The following SLC12A5 variants were observed in gnomAD, a reference collection of about 807,000 sequenced individuals.
The protein encoded by SLC12A5 is K-Cl cotransporter 2.
In SLC12A5, 18 loss-of-function variants were observed where a neutral mutation model predicts 124.0. The ratio of observed to expected loss-of-function variants is 0.15; its 90% CI spans 0.10 to 0.22. The LOEUF (loss-of-function observed/expected upper bound fraction) is 0.22. Ranked by LOEUF, SLC12A5 falls within the 10% of genes least tolerant of loss-of-function variation. The pLI is 1.00. For missense variants in SLC12A5, 867 were observed against 1,478.7 expected (o/e 0.59, Z 6.78); for synonymous variants, 589 against 568.0 (o/e 1.04, Z -0.53).
At chr20:46,052,781 A>ATAAATATATG (rs1392100131) in intron 18 of SLC12A5, among the ~76,000 whole-genome samples, 176 bp from the exon 19 acceptor site, 1 of 152,200 alleles carries the variant, frequency 6.6e-6, no homozygotes, top group Non-Finnish European at 1.5e-5. Context: ...GATCTAAACA[A>ATAAATATATG]TAAATATATG....
chr20:46,048,132 T>C, intron 16 of SLC12A5, 47 bp downstream of exon 16: 1 of 1,521,760 alleles, frequency 6.6e-7, no homozygotes, highest in South Asian at 1.2e-5. Flanking sequence ...TGTGCATGAG[T>C]GCAAGGCTCA....
In SLC12A5 at chr20:46,056,457, G is replaced by A. The variant is rs757482980; in HGVS notation, c.3003G>A (p.Pro1001=). Residue 1001 remains proline, a synonymous_variant, in exon 23 of 26, where the codon CCG becomes CCA. Coordinates refer to ENST00000243964, the MANE Select transcript of SLC12A5 (RefSeq NM_020708.5). This position sits in a 1 kb window ranked among gnomAD's most constrained non-coding sequence, Gnocchi z 4.3. ...CTGAGGGGGAAGGGGAGACAGATCC[G>A]GAGAAGGTGCATCTCACCTGGACCA... ...EEPEGEGETD[P]EKVHLTWTKD... 101 of 1,614,042 alleles carry A rather than the reference G, an allele frequency of 6.3e-5. 1 individual carries two copies. The South Asian group carries it at 8.3e-4, about 13-fold the overall frequency.
At chr20:46,035,596 G>A (rs1241457289) in intron 3 of SLC12A5, 61 bp downstream of exon 3, 2 of 1,525,606 alleles carry the variant, frequency 1.3e-6, no homozygotes, top group Admixed American at 2.0e-5. Flanking sequence ...GGGGGAGGAT[G>A]GGGGAGGAAA....
chr20:46,036,082 C>A, intron 4 of SLC12A5, 159 bp downstream of exon 4: 1 of 847,768 alleles, frequency 1.2e-6, no homozygotes, highest in Non-Finnish European at 1.7e-6. Flanking sequence ...GTCCTTCCTG[C>A]ATCTCACAGG....
At position 46,057,445 on chromosome 20, in the gene SLC12A5, C is replaced by T; in HGVS notation, c.3260-69C>T. The T allele has an allele frequency of 6.2e-7, 1 of 1,601,608 alleles. No homozygotes were observed. The highest frequency in any genetic ancestry group is 8.6e-7 in the Non-Finnish European group (1 of 1,168,692). On this transcript the variant is annotated intron_variant, in intron 25 of 25. Coordinates refer to ENST00000243964, the MANE Select transcript of SLC12A5 (RefSeq NM_020708.5). This position sits in a 1 kb window ranked among gnomAD's most constrained non-coding sequence, Gnocchi z 7.1. The stretch of plus-strand genomic sequence containing the variant: ...GACACGGGCGCGAGAGGTCCCCTGG[C>T]AGCCGAGCGCGACCCCAATTTCGTC...
Position 46,035,445 on chromosome 20 carries a change from T to C in SLC12A5, c.189T>C (p.Ser63=). ...GCCCTATGGTGTCCTCCTTGCTCAG[T>C]GGCCTGGCCAACTACACCAACCTGC... The part of the protein sequence containing the change: ...DTSPMVSSLL[S]GLANYTNLPQ... Residue 63 remains serine, a synonymous_variant, in exon 3 of 26, where the codon AGT becomes AGC. Coordinates refer to ENST00000243964, the MANE Select transcript of SLC12A5 (RefSeq NM_020708.5). 6.2e-7 allele frequency: 1 copy of C among 1,613,884 alleles called. No individual in the cohort carries two copies. The highest frequency in any genetic ancestry group is 8.5e-7 in the Non-Finnish European group (1 of 1,179,972).
At chr20:46,032,591 G>A (rs1334161284) in intron 1 of SLC12A5, among the ~76,000 whole-genome samples, 1 of 152,234 alleles carries the variant, frequency 6.6e-6, no homozygotes, top group Admixed American at 6.5e-5. Context: ...AGCCCTATGA[G>A]TTAAGCTTGG....
rs1458596077 is a variant in SLC12A5 at position 46,058,705 on chromosome 20, C to A, written c.*1100C>A. ...CTGAAATTGTGGAGCTGGAGGGCGC[C>A]CCCTCCCCGGAGTTTCCTCCCTGGG... On this transcript the variant is annotated 3_prime_UTR_variant, in exon 26 of 26. Transcript: ENST00000243964. This position sits in a 1 kb window ranked among gnomAD's most constrained non-coding sequence, Gnocchi z 5.8. The A allele has an allele frequency of 2.5e-6, 1 of 398,920 alleles. No individual in the cohort carries two copies. The highest frequency in any genetic ancestry group is 4.4e-6 in the Non-Finnish European group (1 of 226,110). The allele number at this position is 398,920 out of a possible 1,614,324, so 24.7% of individuals were successfully genotyped here.
intron 18 of SLC12A5, among the ~76,000 whole-genome samples, chr20:46,052,480 G>A (rs765366932): frequency 3.3e-5 from 5 of 152,328 alleles, no homozygotes; most frequent in Admixed American, 1.3e-4. Context: ...CAGGTGGATC[G>A]CTTGCGCTCA....
intron 1 of SLC12A5, among the ~76,000 whole-genome samples, chr20:46,031,844 G>T (rs890123880): frequency 6.6e-6 from 1 of 152,174 alleles, no homozygotes; most frequent in Non-Finnish European, 1.5e-5. Context: ...CGCGCCGCTC[G>T]GCGCTCCCGC....
Position 46,057,077 on chromosome 20 carries a change from C to T in SLC12A5, c.3126-93C>T. 6.3e-7 allele frequency: 1 copy of T among 1,597,530 alleles called. No individual in the cohort carries two copies. The highest frequency in any genetic ancestry group is 1.1e-5 in the South Asian group (1 of 90,316). On this transcript the variant is annotated intron_variant, in intron 24 of 25. Coordinates refer to ENST00000243964, the MANE Select transcript of SLC12A5 (RefSeq NM_020708.5). This position sits in a 1 kb window ranked among gnomAD's most constrained non-coding sequence, Gnocchi z 7.1. ...GGTCCTAGGCTTGCAAGAACCAGTC[C>T]CCAGCAGCCCAGTTCGGGCTGGAAG...
At chr20:46,041,925 C>CCGG (rs1235254669) in intron 8 of SLC12A5, among the ~76,000 whole-genome samples, 1 of 144,322 alleles carries the variant, frequency 6.9e-6, no homozygotes, top group East Asian at 2.0e-4. Flanking sequence ...CAGAGAATGC[C>CCGG]CGGGGGGGGA....
intron 11 of SLC12A5, 67 bp from the exon 12 acceptor site, chr20:46,044,899 A>T (rs559841162): frequency 1.9e-6 from 3 of 1,593,554 alleles, no homozygotes; most frequent in South Asian, 2.2e-5. Context: ...TGTAGTTGGT[A>T]TGGAGACCTG....
chr20:46,022,977 A>AGGAGGAGGAGGAGGAGGAGGAC lies in SLC12A5; in HGVS notation c.97_98insGAGGAGGAGGAGGAGGAGGACG (p.Gly34ArgfsTer104). ...AGGAGGAGGAGGAGGAGGAGGAGGA[A>AGGAGGAGGAGGAGGAGGAGGAC]GAGGAGGAGGAGGAAGAGGAGGAGG... On this transcript the variant is annotated frameshift_variant, in exon 2 of 3. Transcript: ENST00000413737. LOFTEE classifies it high-confidence loss of function. The AGGAGGAGGAGGAGGAGGAGGAC allele has an allele frequency of 4.0e-6, 1 of 249,056 alleles. No homozygotes were observed. 15.4% of individuals were successfully genotyped at this position (249,056 alleles called of 1,614,324 possible).
chr20:46,057,366 C>T lies in SLC12A5; in HGVS notation c.3259+63C>T, dbSNP rs559120365. 4 of 1,611,560 alleles carry T rather than the reference C, an allele frequency of 2.5e-6. No individual in the cohort carries two copies. In the African/African-American group the frequency reaches 5.3e-5, roughly 21 times the overall value. On this transcript the variant is annotated intron_variant, in intron 25 of 25. Coordinates refer to ENST00000243964, the MANE Select transcript of SLC12A5 (RefSeq NM_020708.5). The surrounding 1 kb of genome is among the most constrained non-coding windows in gnomAD (Gnocchi z 7.1). ...GACGTCAGGGAATCTGGGTCCTGTC[C>T]CTGGGATGGAAGAGCTGAGCTGTTC...
At chr20:46,055,572 G>A (rs2084682089) in intron 21 of SLC12A5, among the ~76,000 whole-genome samples, 1 of 152,138 alleles carries the variant, frequency 6.6e-6, no homozygotes, top group Non-Finnish European at 1.5e-5. Flanking sequence ...CCACCCAAGG[G>A]AGTGGAGTCC....
At chr20:46,024,790 G>A (rs1212698550), upstream of SLC12A5, among the ~76,000 whole-genome samples, 1 of 152,240 alleles carries the variant, frequency 6.6e-6, no homozygotes, top group East Asian at 1.9e-4. Context: ...CTTCACCTGT[G>A]TCATGGGAGA....
Position 46,037,238 on chromosome 20 carries a change from C to G in SLC12A5, c.482-17C>G. 6.3e-6 allele frequency: 10 copies of G among 1,587,006 alleles called. No individual in the cohort carries two copies. Among genetic ancestry groups the G allele is most frequent in the Non-Finnish European group, 8.6e-6 (10 of 1,165,356 alleles). On this transcript the variant is annotated splice_polypyrimidine_tract_variant and intron_variant, in intron 5 of 25. Coordinates refer to ENST00000243964, the MANE Select transcript of SLC12A5 (RefSeq NM_020708.5). ...AGTGCCCCCGACCCTCTCGCTGATA[C>G]CAGATTCTCCCTGCAGCTGGTGGCT... is the stretch of plus-strand genomic sequence containing the variant.
intron 14 of SLC12A5, 97 bp downstream of exon 14, chr20:46,046,533 C>T: frequency 9.4e-7 from 1 of 1,067,896 alleles, no homozygotes; most frequent in African/African-American, 1.6e-5. Context: ...TCTAAGGACC[C>T]CAAACCTGAA....
Sources: gnomAD v4.1 joint callset for allele counts (sites outside exome capture counted in the v4.1 genomes callset) on GRCh38, gnomAD v4.1.1 for gene constraint, Gnocchi (gnomAD v3.1) non-coding constraint, MANE v1.5 for transcripts, NCBI Gene and HGNC (gene_info 2026-07-23, HGNC 2026-07-21) for gene names.